Variants in FLNB observed in about 807,000 individuals in gnomAD.
The protein encoded by FLNB is filamin B, also known as filamin-B.
In FLNB, 111 loss-of-function variants were observed where a neutral mutation model predicts 250.6. The ratio of observed to expected loss-of-function variants is 0.44; its 90% CI spans 0.38 to 0.52. The LOEUF is 0.52. Among genes scored for constraint, FLNB ranks in the 20% least tolerant of loss-of-function variants. FLNB has a pLI of 0.00. For synonymous variants in FLNB, 1,302 were observed against 1,372.1 expected (o/e 0.95, Z 1.13); for missense variants, 2,869 against 3,447.8 (o/e 0.83, Z 4.20).
chr3:58,066,010 C>G (rs1235814875), intron 1 of FLNB, among the ~76,000 whole-genome samples: 1 of 152,136 alleles, frequency 6.6e-6, no homozygotes, highest in Non-Finnish European at 1.5e-5. Flanking sequence ...GGGCTCTGAG[C>G]TCCTCCACTT....
chr3:58,009,718 A>G (rs922978249), intron 1 of FLNB, among the ~76,000 whole-genome samples: 6 of 152,198 alleles, frequency 3.9e-5, no homozygotes, highest in Non-Finnish European at 8.8e-5. Flanking sequence ...AGTAGGGCCC[A>G]GCTGAGAACT....
chr3:58,148,522 T>C lies in FLNB; in HGVS notation c.5888-127T>C. On this transcript the variant is annotated intron_variant, in intron 35 of 45. Coordinates refer to ENST00000295956, the MANE Select transcript of FLNB (RefSeq NM_001457.4). ...TAAATGCCCAAGCGTATTTGTGCAT[T>C]GTGATATCGACACTCTGGATTGTTG... The C allele has an allele frequency of 2.5e-6, 3 of 1,211,918 alleles. No homozygotes were observed. The Admixed American group carries it at 5.8e-5, about 23-fold the overall frequency. The allele number at this position is 1,211,918 out of a possible 1,614,324, so 75.1% of individuals were successfully genotyped here.
rs764760156 is a variant in FLNB at position 58,098,767 on chromosome 3, G to A, written c.1204G>A (p.Val402Met). The stretch of plus-strand genomic sequence containing the variant: ...GGAAGATCCCCAGGGGAAGAACACC[G>A]TGGAGTTGCTCGTGGAAGACAAAGG... ...EVEDPQGKNTVELLVEDKGNQ... is the reference protein window; with the variant it reads ...EVEDPQGKNTMELLVEDKGNQ... The change falls in exon 8 of 46, where the codon GTG (valine) becomes ATG (methionine). Residue 402 changes from valine to methionine, a missense_variant. Coordinates refer to ENST00000295956, the MANE Select transcript of FLNB (RefSeq NM_001457.4). 19 of 1,614,032 alleles carry A rather than the reference G, an allele frequency of 1.2e-5. No individual in the cohort carries two copies. In the East Asian group the frequency reaches 2.0e-4, roughly 17 times the overall value.
intron 12 of FLNB, among the ~76,000 whole-genome samples, chr3:58,108,134 A>T (rs1443241303): frequency 6.6e-6 from 1 of 152,212 alleles, no homozygotes; most frequent in Non-Finnish European, 1.5e-5. Flanking sequence ...ACAAAAAAAA[A>T]ATTGCAAAAA....
intron 4 of FLNB, among the ~76,000 whole-genome samples, chr3:58,085,799 A>G (rs1452417870): frequency 6.6e-6 from 1 of 152,172 alleles, no homozygotes; most frequent in East Asian, 1.9e-4. Context: ...GTCTCCTTTC[A>G]TGGTAAGCAA....
At chr3:58,058,206 A>C (rs75723950) in intron 1 of FLNB, among the ~76,000 whole-genome samples, 1,879 of 152,308 alleles carry the variant, frequency 0.012, 38 homozygotes, top group East Asian at 0.052. Context: ...TAGTTATTAC[A>C]GAAATAGTTT....
At chr3:58,022,666 G>T (rs1298717139) in intron 1 of FLNB, among the ~76,000 whole-genome samples, 1 of 152,152 alleles carries the variant, frequency 6.6e-6, no homozygotes, top group Non-Finnish European at 1.5e-5. Flanking sequence ...AGTTATTGTT[G>T]TAATTCCCGT....
intron 29 of FLNB, among the ~76,000 whole-genome samples, chr3:58,139,388 A>T (rs1235556659): frequency 6.6e-6 from 1 of 152,202 alleles, no homozygotes. Flanking sequence ...CACAAGGTTT[A>T]TAGGCCCTTA....
intron 1 of FLNB, among the ~76,000 whole-genome samples, chr3:58,041,971 A>G (rs1050810909): frequency 2.0e-5 from 3 of 152,164 alleles, no homozygotes; most frequent in Non-Finnish European, 4.4e-5. Context: ...GAGACTCATT[A>G]GAGAGTTTAG....
At chr3:58,145,888 C>T (rs1457584710) in intron 32 of FLNB, 33 bp from the exon 33 acceptor site, 1 of 1,613,952 alleles carries the variant, frequency 6.2e-7, no homozygotes, top group Admixed American at 1.7e-5. Flanking sequence ...CCTTAATGAG[C>T]ACCAATTTTG....
chr3:58,091,171 A>G (rs1199479122), intron 4 of FLNB, among the ~76,000 whole-genome samples: 3 of 152,242 alleles, frequency 2.0e-5, no homozygotes, highest in African/African-American at 7.2e-5. Context: ...TCCCAGCAAG[A>G]GTTTTTGCAG....
intron 1 of FLNB, among the ~76,000 whole-genome samples, chr3:58,073,848 T>TTGAG (rs1559674493): frequency 5.9e-5 from 9 of 152,350 alleles, no homozygotes; most frequent in Non-Finnish European, 1.0e-4. Flanking sequence ...TTTTACTAGC[T>TTGAG]GTTGCTTGGA....
At chr3:58,114,890 TC>T (rs1309868435) in intron 18 of FLNB, among the ~76,000 whole-genome samples, 2 of 152,170 alleles carry the variant, frequency 1.3e-5, no homozygotes, top group African/African-American at 4.8e-5. Flanking sequence ...CATTTTTATA[TC>T]AACCTTCTTA....
chr3:58,152,446 G>A (rs2097346628), intron 38 of FLNB, among the ~76,000 whole-genome samples: 1 of 152,194 alleles, frequency 6.6e-6, no homozygotes, highest in Admixed American at 6.5e-5. Context: ...GCTGCAAACC[G>A]ACAGCGTCCC....
chr3:58,143,294 A>G (rs1438531854), intron 31 of FLNB, among the ~76,000 whole-genome samples, 179 bp from the exon 32 acceptor site: 1 of 97,400 alleles, frequency 1.0e-5, no homozygotes, highest in Non-Finnish European at 2.8e-5. Flanking sequence ...ATGGAACTGG[A>G]AAAAAAAAAA....
chr3:58,078,063 C>G (rs908439310), intron 2 of FLNB, among the ~76,000 whole-genome samples: 1 of 152,204 alleles, frequency 6.6e-6, no homozygotes, highest in African/African-American at 2.4e-5. Context: ...TCTTGACATA[C>G]TCAAAGCAGA....
chr3:58,153,746 A>G (rs2097349004), intron 39 of FLNB, 105 bp downstream of exon 39: 1 of 1,290,142 alleles, frequency 7.8e-7, no homozygotes, highest in Admixed American at 1.9e-5. Context: ...AAGACTTCTG[A>G]TAGGTGGCAT....
At chr3:58,034,636 G>A (rs1400821223) in intron 1 of FLNB, among the ~76,000 whole-genome samples, 1 of 152,176 alleles carries the variant, frequency 6.6e-6, no homozygotes, top group African/African-American at 2.4e-5. Context: ...GTATCCATTA[G>A]GATGTATATG....
At chr3:58,050,745 C>T (rs1169342136) in intron 1 of FLNB, among the ~76,000 whole-genome samples, 1 of 152,204 alleles carries the variant, frequency 6.6e-6, no homozygotes, top group Admixed American at 6.5e-5. Context: ...GATTGGTGCA[C>T]TGGGTAGCTC....
Sources: allele counts gnomAD v4.1 joint callset (sites outside exome capture counted in the v4.1 genomes callset), GRCh38; gene constraint gnomAD v4.1.1; transcripts MANE v1.5; gene names NCBI Gene and HGNC (gene_info 2026-07-23, HGNC 2026-07-21).